Variants in MAST4 observed in about 807,000 individuals in gnomAD.
MAST4 encodes microtubule associated serine/threonine kinase family member 4.
Under a neutral mutation model 162.7 loss-of-function variants are expected in MAST4, and 89 were observed. The ratio of observed to expected loss-of-function variants is 0.55; its 90% confidence interval spans 0.46 to 0.65. MAST4 has a LOEUF of 0.65. Among genes scored for constraint, MAST4 ranks in the 30% least tolerant of loss-of-function variants. The pLI is 0.00. For missense variants in MAST4, 3,153 were observed against 3,374.0 expected (o/e 0.93, Z 1.62); for synonymous variants, 1,479 against 1,361.1 (o/e 1.09, Z -1.91).
At chr5:67,061,512 AG>A (rs199514321) in intron 5 of MAST4, among the ~76,000 whole-genome samples, 197 of 148,684 alleles carry the variant, frequency 1.3e-3, no homozygotes, top group African/African-American at 3.4e-3. Context: ...TATAACAGTG[AG>A]GGTTTTTTTT....
rs1049891884 is a variant in MAST4 at position 66,801,722 on chromosome 5, A to G, written c.642+12928A>G. ...AAAAAATAGCAGATCTTTGTTACAC[A>G]TGTCATTAACTGCCACTAAATTGAC... On this transcript the variant is annotated intron_variant, in intron 3 of 28. Coordinates refer to ENST00000403625, the MANE Select transcript of MAST4 (RefSeq NM_001164664.2). Among the ~76,000 whole-genome samples, 7 of 152,228 alleles carry G rather than the reference A, an allele frequency of 4.6e-5. No homozygotes were observed. In the East Asian group the frequency reaches 1.2e-3, roughly 25 times the overall value.
chr5:67,093,822 A>G (rs1328843050), intron 6 of MAST4, among the ~76,000 whole-genome samples: 1 of 152,212 alleles, frequency 6.6e-6, no homozygotes, highest in Non-Finnish European at 1.5e-5. Context: ...TTGCTATTAA[A>G]GGGACTGAAT....
At chr5:67,033,315 C>CTGTGTG (rs146627241) in intron 4 of MAST4, among the ~76,000 whole-genome samples, 8,132 of 125,848 alleles carry the variant, frequency 0.065, 531 homozygotes, top group African/African-American at 0.15. Context: ...TTTCATTTCT[C>CTGTGTG]TGTGTGTGTG....
chr5:67,036,723 A>G (rs1487378550), intron 4 of MAST4, among the ~76,000 whole-genome samples: 3 of 152,212 alleles, frequency 2.0e-5, no homozygotes, highest in African/African-American at 7.2e-5. Context: ...TGTGTTCAGT[A>G]CAGATGCAAT....
chr5:66,900,712 C>T (rs900442819), intron 4 of MAST4, among the ~76,000 whole-genome samples: 6 of 105,384 alleles, frequency 5.7e-5, no homozygotes, highest in Admixed American at 5.5e-4. Flanking sequence ...GATGGAGCAC[C>T]TCCTTTAAAA....
intron 3 of MAST4, among the ~76,000 whole-genome samples, chr5:66,826,625 C>A (rs1031909668): frequency 6.6e-6 from 1 of 151,022 alleles, no homozygotes; most frequent in Non-Finnish European, 1.5e-5. Flanking sequence ...TCCCCCGTCT[C>A]TTTCTCTGTA....
At chr5:67,062,329 C>T (rs1406267621) in intron 5 of MAST4, among the ~76,000 whole-genome samples, 1 of 151,794 alleles carries the variant, frequency 6.6e-6, no homozygotes. Context: ...ACCCAGGAGG[C>T]GGAGGCTGCA....
rs779816794 is a variant in MAST4 at position 67,166,640 on chromosome 5, C to T, written c.7461C>T (p.Ala2487=). Residue 2487 remains alanine, a synonymous_variant, in exon 29 of 29, where the codon GCC becomes GCT. Coordinates refer to ENST00000403625, the MANE Select transcript of MAST4 (RefSeq NM_001164664.2). ...AASSDTSSAK[A]AGGMLELPAP... ...GCAGCGACACCTCTTCTGCCAAGGC[C>T]GCCGGGGGCATGCTGGAGCTTCCAG... 53 of 1,600,690 alleles carry T rather than the reference C, an allele frequency of 3.3e-5. No individual in the cohort carries two copies. Among genetic ancestry groups the T allele is most frequent in the Non-Finnish European group, 4.5e-5 (53 of 1,173,930 alleles).
chr5:66,678,604 C>T (rs555670488), intron 1 of MAST4, among the ~76,000 whole-genome samples: 2 of 151,776 alleles, frequency 1.3e-5, no homozygotes, highest in East Asian at 3.9e-4. Flanking sequence ...AAGCAATTCT[C>T]CTGCCTCAAC....
intron 4 of MAST4, among the ~76,000 whole-genome samples, chr5:67,026,561 A>G (rs1754674090): frequency 6.6e-6 from 1 of 152,242 alleles, no homozygotes; most frequent in Non-Finnish European, 1.5e-5. Context: ...AAGATCCTCT[A>G]CTAAATTAGA....
chr5:67,089,275 C>T (rs1336267360), intron 5 of MAST4, among the ~76,000 whole-genome samples: 3 of 152,208 alleles, frequency 2.0e-5, no homozygotes, highest in Admixed American at 1.3e-4. Flanking sequence ...GCAGGGTGGT[C>T]TGGAGTGTCC....
At chr5:66,823,950 T>G (rs1260107774) in intron 3 of MAST4, among the ~76,000 whole-genome samples, 1 of 152,240 alleles carries the variant, frequency 6.6e-6, no homozygotes, top group Non-Finnish European at 1.5e-5. Context: ...TGTATTTTCA[T>G]GAATCATCTG....
chr5:66,693,401 C>A (rs1749179438), intron 1 of MAST4, among the ~76,000 whole-genome samples: 1 of 152,172 alleles, frequency 6.6e-6, no homozygotes, highest in African/African-American at 2.4e-5. Context: ...TCTTTGTATT[C>A]TTTTAATAAG....
intron 1 of MAST4, among the ~76,000 whole-genome samples, chr5:66,702,903 A>C (rs986529773): frequency 6.6e-6 from 1 of 152,174 alleles, no homozygotes; most frequent in African/African-American, 2.4e-5. Flanking sequence ...AATAGACCAC[A>C]GGAAAGTTGG....
At chr5:66,912,886 C>T (rs1053187989) in intron 4 of MAST4, among the ~76,000 whole-genome samples, 1 of 152,174 alleles carries the variant, frequency 6.6e-6, no homozygotes, top group Non-Finnish European at 1.5e-5. Flanking sequence ...TCCCAACACA[C>T]ACCACATCTA....
rs6449835 is a variant in MAST4, at chr5:66,746,373, G to T, written c.364-13336G>T. Among the ~76,000 whole-genome samples, 1,064 of 152,244 alleles carry T rather than the reference G, an allele frequency of 7.0e-3. 10 individuals carry two copies. The highest frequency in any genetic ancestry group is 0.025 in the African/African-American group (1,021 of 41,538). On this transcript the variant is annotated intron_variant, in intron 1 of 28. Coordinates refer to ENST00000403625, the MANE Select transcript of MAST4 (RefSeq NM_001164664.2). ...CAGTGAGCCTTTCTGGAACACAGTC[G>T]AACAGAGGAAGAAATGTGGGCTTTG...
intron 1 of MAST4, among the ~76,000 whole-genome samples, chr5:66,615,467 G>A (rs186117591): frequency 5.1e-4 from 77 of 152,270 alleles, no homozygotes; most frequent in African/African-American, 1.7e-3. Context: ...CCGAGGAATA[G>A]CTCTGAGGGA....
rs1773897038 is a variant in MAST4, at chr5:67,166,019, T to C, written c.6840T>C (p.Ala2280=). ...CTGTCCCACTGCACACTGACAGGGC[T>C]CCTCTAGACGCCAAGCCACAACCCA... ...GPSVPLHTDR[A]PLDAKPQPTS... Residue 2280 remains alanine, a synonymous_variant, in exon 29 of 29, where the codon GCT becomes GCC. Coordinates refer to ENST00000403625, the MANE Select transcript of MAST4 (RefSeq NM_001164664.2). 1 of 1,613,460 alleles carries C rather than the reference T, an allele frequency of 6.2e-7. No individual in the cohort carries two copies. The highest frequency in any genetic ancestry group is 8.5e-7 in the Non-Finnish European group (1 of 1,179,802).
intron 1 of MAST4, among the ~76,000 whole-genome samples, chr5:66,734,721 G>C (rs1415174200): frequency 6.6e-6 from 1 of 152,198 alleles, no homozygotes; most frequent in African/African-American, 2.4e-5. Flanking sequence ...TAGTGCAACT[G>C]AGGAACTAAA....
Sources: allele counts gnomAD v4.1 joint callset (sites outside exome capture counted in the v4.1 genomes callset), GRCh38; gene constraint gnomAD v4.1.1; transcripts MANE v1.5; gene names NCBI Gene and HGNC (gene_info 2026-07-23, HGNC 2026-07-21).